The following FTH1 variants were observed in gnomAD, a reference collection of about 807,000 sequenced individuals.
FTH1 encodes the protein ferritin heavy chain.
FTH1 carries 3 observed loss-of-function variants against 21.8 expected under a neutral mutation model. The observed-to-expected ratio is 0.14, with a 90% CI of 0.06 to 0.36. The LOEUF (loss-of-function observed/expected upper bound fraction) is 0.36. Among genes scored for constraint, FTH1 ranks in the 10% least tolerant of loss-of-function variants. The pLI is 1.00. For synonymous variants in FTH1, 83 were observed against 90.1 expected, an observed-to-expected ratio of 0.92 and a Z score of 0.45; for missense variants, 147 against 225.8, an observed-to-expected ratio of 0.65 and a Z score of 2.24.
chr11:61,967,366 G>A lies in FTH1; in HGVS notation c.60C>T (p.Ala20=), dbSNP rs773201278. 42 of 1,607,138 alleles carry A rather than the reference G, an allele frequency of 2.6e-5. No individual in the cohort carries two copies. Among genetic ancestry groups the A allele is most frequent in the Non-Finnish European group, 2.7e-5 (32 of 1,177,094 alleles). The change falls in exon 1 of 4, where the codon GCC becomes GCT. Residue 20 remains alanine (A), a synonymous_variant. Transcript: ENST00000273550. ...GCTCCAGGTTGATCTGGCGGTTGAT[G>A]GCGGCCTCTGAGTCCTGGTGGTAGT... The part of the protein sequence containing the change: ...RQNYHQDSEA[A]INRQINLELY...
In FTH1 at chr11:61,965,637, A is replaced by G. The variant is rs537209118; in HGVS notation, c.115-122T>C. On this transcript the variant is annotated intron_variant, in intron 1 of 3. Coordinates refer to ENST00000273550, the MANE Select transcript of FTH1 (RefSeq NM_002032.3). Reference sequence around the variant, plus strand: ...CTTCCTTTCTCAAAGCACAGCATGAAGGAATCAGTGCCTAAGGAGACTGGG... The same window carrying G: ...CTTCCTTTCTCAAAGCACAGCATGAGGGAATCAGTGCCTAAGGAGACTGGG... The G allele has an allele frequency of 1.3e-4, 131 of 1,037,572 alleles. No homozygotes were observed. In the East Asian group the frequency reaches 3.0e-3, roughly 24 times the overall value. The allele number at this position is 1,037,572 out of a possible 1,614,324, so 64.3% of individuals were successfully genotyped here.
In FTH1 at chr11:61,965,056, A is replaced by C. The variant is rs1217855947; in HGVS notation, c.318T>G (p.His106Gln). 1 of 1,611,812 alleles carries C rather than the reference A, an allele frequency of 6.2e-7. No individual in the cohort carries two copies. The highest frequency in any genetic ancestry group is 1.1e-5 in the South Asian group (1 of 91,080). ...SGLNAMECAL[H>Q]LEKNVNQSLL... ...GTGACTGATTCACATTTTTTTCCAA[A>C]TGTAATGCACACTCCATTGCATTCA... Residue 106 changes from histidine (H) to glutamine (Q), a missense_variant, in exon 3 of 4, where the codon CAT (histidine) becomes CAG (glutamine). By Grantham distance (24) the His-to-Gln change is conservative. Transcript: ENST00000273550.
At chr11:61,965,670 T>A (rs549920653) in intron 1 of FTH1, 155 bp from the exon 2 acceptor site, 4 of 773,494 alleles carry the variant, frequency 5.2e-6, no homozygotes, top group Admixed American at 1.9e-5. Flanking sequence ...GGGGGGCAGA[T>A]GAGCTACTGG....
At chr11:61,965,639 G>T in intron 1 of FTH1, 124 bp from the exon 2 acceptor site, 1 of 1,017,510 alleles carries the variant, frequency 9.8e-7, no homozygotes, top group Non-Finnish European at 1.5e-6. Context: ...CAGCATGAAG[G>T]AATCAGTGCC....
Position 61,967,237 on chromosome 11 carries a change from C to A in FTH1, c.114+75G>T. ...GCGGGAGAGCCCGCGGGTGGCCACA[C>A]CCCCGGCCCGCCCCAGCGCGCGCCC... On this transcript the variant is annotated intron_variant, in intron 1 of 3. Transcript: ENST00000273550. The A allele has an allele frequency of 3.3e-6, 3 of 919,062 alleles. No homozygotes were observed. The South Asian group carries it at 5.3e-5, about 16-fold the overall frequency. The allele number at this position is 919,062 out of a possible 1,614,324, so 56.9% of individuals were successfully genotyped here.
At chr11:61,965,664 G>C in intron 1 of FTH1, 149 bp from the exon 2 acceptor site, 1 of 798,806 alleles carries the variant, frequency 1.3e-6, no homozygotes, top group East Asian at 2.5e-5. Flanking sequence ...GAGACTGGGG[G>C]GCAGATGAGC....
intron 2 of FTH1, 59 bp from the exon 3 acceptor site, chr11:61,965,171 C>T: frequency 6.2e-7 from 1 of 1,601,626 alleles, no homozygotes; most frequent in Non-Finnish European, 8.5e-7. Flanking sequence ...GCAAGCCCAT[C>T]ATCTCTAACC....
Position 61,967,543 on chromosome 11 carries a change from G to T in FTH1, c.-118C>A, listed in dbSNP as rs751862506. The T allele has an allele frequency of 2.6e-6, 2 of 768,732 alleles. No homozygotes were observed. Among genetic ancestry groups the T allele is most frequent in the South Asian group, 1.4e-5 (1 of 69,002 alleles). The allele number at this position is 768,732 out of a possible 1,614,324, so 47.6% of individuals were successfully genotyped here. On this transcript the variant is annotated 5_prime_UTR_variant, in exon 1 of 4. Transcript: ENST00000273550. ...AGAGGTGACGGAGGGCTGGCTATGGGCGGCCGGCCGGGGTGGGGAACGAGC... is the reference window on the plus strand; with the variant it reads ...AGAGGTGACGGAGGGCTGGCTATGGTCGGCCGGCCGGGGTGGGGAACGAGC...
In FTH1 at chr11:61,965,190, T is replaced by G. The variant is rs1317204391; in HGVS notation, c.262-78A>C. The stretch of plus-strand genomic sequence containing the variant: ...GCCCATCATCTCTAACCACCACGTT[T>G]TGGCAAAAGGGACATTACTATTTGC... On this transcript the variant is annotated intron_variant, in intron 2 of 3. Transcript: ENST00000273550. The G allele has an allele frequency of 6.9e-6, 11 of 1,600,038 alleles. No homozygotes were observed. The East Asian group carries it at 2.5e-4, about 36-fold the overall frequency.
At chr11:61,965,235 A>C in intron 2 of FTH1, 123 bp from the exon 3 acceptor site, 1 of 1,587,120 alleles carries the variant, frequency 6.3e-7, no homozygotes, top group South Asian at 1.1e-5. Context: ...TTTAGATGGT[A>C]AGCCTAAAAA....
In FTH1 at chr11:61,965,419, T is replaced by A. The variant is rs1565049676; in HGVS notation, c.211A>T (p.Met71Leu). Reference sequence around the variant, plus strand: ...CCACCTCGTTGGTTCTGCAGCTTCATCAGTTTCTCAGCATGTTCCCTCTCC... The same window carrying A: ...CCACCTCGTTGGTTCTGCAGCTTCAACAGTTTCTCAGCATGTTCCCTCTCC... ...HEEREHAEKL[M>L]KLQNQRGGRI... is the part of the protein sequence containing the mutation. Residue 71 changes from methionine to leucine, a missense_variant, in exon 2 of 4, where the codon ATG becomes TTG. Transcript: ENST00000273550. The A allele has an allele frequency of 1.6e-5, 26 of 1,613,582 alleles. No homozygotes were observed. The highest frequency in any genetic ancestry group is 2.2e-5 in the Non-Finnish European group (26 of 1,180,024).
chr11:61,965,693 A>C, intron 1 of FTH1, 178 bp from the exon 2 acceptor site: 1 of 696,094 alleles, frequency 1.4e-6, no homozygotes, highest in Non-Finnish European at 2.6e-6. Context: ...TGAACCCAAG[A>C]GTAATGTTTC....
At chr11:61,967,075 G>A (rs1392480354) in intron 1 of FTH1, 1 of 339,158 alleles carries the variant, frequency 2.9e-6, no homozygotes, top group African/African-American at 2.2e-5. Context: ...AAAAAGAAGG[G>A]TGTGCAGAGG....
In FTH1 at chr11:61,964,291, C is replaced by A; in HGVS notation, c.*436G>T. ...GATAAAAATCCCAGACTACTTCAGC[C>A]TTTAATGCCTTTTATTCATAAAAAC... On this transcript the variant is annotated 3_prime_UTR_variant, in exon 4 of 4. Coordinates refer to ENST00000273550, the MANE Select transcript of FTH1 (RefSeq NM_002032.3). 1 of 1,268,886 alleles carries A rather than the reference C, an allele frequency of 7.9e-7. No individual in the cohort carries two copies. The highest frequency in any genetic ancestry group is 1.1e-6 in the Non-Finnish European group (1 of 926,552). 78.6% of individuals were successfully genotyped at this position (1,268,886 alleles called of 1,614,324 possible).
rs1275611883 is a variant in FTH1, at chr11:61,965,057, T to C, written c.317A>G (p.His106Arg). The C allele has an allele frequency of 6.2e-7, 1 of 1,611,860 alleles. No homozygotes were observed. ...SGLNAMECALHLEKNVNQSLL... is the reference protein window; with the variant it reads ...SGLNAMECALRLEKNVNQSLL... Reference sequence around the variant, plus strand: ...TGACTGATTCACATTTTTTTCCAAATGTAATGCACACTCCATTGCATTCAG... The same window carrying C: ...TGACTGATTCACATTTTTTTCCAAACGTAATGCACACTCCATTGCATTCAG... Residue 106 changes from histidine to arginine, a missense_variant, in exon 3 of 4, where the codon CAT becomes CGT. Coordinates refer to ENST00000273550, the MANE Select transcript of FTH1 (RefSeq NM_002032.3).
At chr11:61,967,284 G>T in intron 1 of FTH1, 28 bp downstream of exon 1, 1 of 1,442,476 alleles carries the variant, frequency 6.9e-7, no homozygotes, top group Non-Finnish European at 9.3e-7. Flanking sequence ...CCCGGCCCCC[G>T]CCACCGCTTA....
chr11:61,965,207 A>G, intron 2 of FTH1, 95 bp from the exon 3 acceptor site: 1 of 1,591,308 alleles, frequency 6.3e-7, no homozygotes, highest in Non-Finnish European at 8.6e-7. Flanking sequence ...AAGGGACATT[A>G]CTATTTGCCT....
At chr11:61,967,220 G>A (rs1231831884) in intron 1 of FTH1, 92 bp downstream of exon 1, 3 of 615,582 alleles carry the variant, frequency 4.9e-6, no homozygotes, top group Non-Finnish European at 5.2e-6. Context: ...AGGCGGGAGA[G>A]CCCGCGGGTG....
At position 61,967,375 on chromosome 11, in the gene FTH1, T is replaced by G. The variant is rs753914758; in HGVS notation, c.51A>C (p.Ser17=). The part of the protein sequence containing the change: ...SQVRQNYHQD[S]EAAINRQINL... ...TGATCTGGCGGTTGATGGCGGCCTC[T>G]GAGTCCTGGTGGTAGTTCTGGCGCA... Residue 17 remains serine (S), a synonymous_variant, in exon 1 of 4, where the codon TCA becomes TCC. Transcript: ENST00000273550. 4.2e-5 allele frequency: 67 copies of G among 1,606,760 alleles called. No homozygotes were observed. Among genetic ancestry groups the G allele is most frequent in the Non-Finnish European group, 5.2e-5 (61 of 1,177,054 alleles).
Sources: gnomAD v4.1 joint callset for allele counts on GRCh38, gnomAD v4.1.1 for gene constraint, MANE v1.5 for transcripts, NCBI Gene and HGNC (gene_info 2026-07-23, HGNC 2026-07-21) for gene names.